The following PLCD3 variants were observed in gnomAD, a reference collection of about 807,000 sequenced individuals.
The protein encoded by PLCD3 is phospholipase C delta 3.
Under a neutral mutation model 82.8 loss-of-function variants are expected in PLCD3, and 62 were observed. That is an observed-to-expected ratio of 0.75 (90% CI 0.61 to 0.93). PLCD3 has a LOEUF of 0.93. Among genes scored for constraint, PLCD3 ranks in the 40% least tolerant of loss-of-function variants. PLCD3 has a pLI of 0.00. For synonymous variants in PLCD3, 478 were observed against 471.8 expected, an observed-to-expected ratio of 1.01 and a Z score of -0.17; for missense variants, 1,023 against 1,103.4, an observed-to-expected ratio of 0.93 and a Z score of 1.03.
Position 45,111,373 on chromosome 17 carries a change from A to AGTGTGT in PLCD3, c.*1237_*1242dup, listed in dbSNP as rs34687475. On this transcript the variant is annotated 3_prime_UTR_variant, in exon 15 of 15. Coordinates refer to ENST00000619929, the MANE Select transcript of PLCD3 (RefSeq NM_133373.5). Reference sequence around the variant, plus strand: ...TTCAAGGCCCCTCTGTGTATGTGTGAGTGTGTGTGTGTGTGTGTGTGTGTG... The same window carrying AGTGTGT: ...TTCAAGGCCCCTCTGTGTATGTGTGAGTGTGTGTGTGTGTGTGTGTGTGTGTGTGTG... The AGTGTGT allele has an allele frequency of 0.081, 11,983 of 147,078 alleles. 479 individuals are homozygous for AGTGTGT. Among genetic ancestry groups the AGTGTGT allele is most frequent in the Middle Eastern group, 0.15 (43 of 288 alleles). 9.1% of individuals were successfully genotyped at this position (147,078 alleles called of 1,614,324 possible).
rs372763078 is a variant in PLCD3 at position 45,116,617 on chromosome 17, G to A, written c.1413+15C>T. 3.8e-6 allele frequency: 6 copies of A among 1,562,396 alleles called. No individual in the cohort carries two copies. The highest frequency in any genetic ancestry group is 2.7e-5 in the African/African-American group (2 of 73,076). On this transcript the variant is annotated intron_variant, in intron 8 of 14. Transcript: ENST00000619929. ...AGACCTCCCTCCACCCAGGCTAGGG[G>A]CTGGGGGGCGTCACCTCTGGGGATG...
At chr17:45,123,956 A>ACC (rs33990992) in intron 1 of PLCD3, among the ~76,000 whole-genome samples, 8,866 of 128,940 alleles carry the variant, frequency 0.069, 291 homozygotes, top group Middle Eastern at 0.11. Context: ...GGCTCACCAG[A>ACC]CCCCCCCCCC....
At chr17:45,115,314 C>T (rs713102) in intron 9 of PLCD3, 30 bp downstream of exon 9, 3 of 1,501,550 alleles carry the variant, frequency 2.0e-6, no homozygotes, top group African/African-American at 2.8e-5. Flanking sequence ...CCTTCCCCCC[C>T]TTCCCCACCC....
At chr17:45,131,526 C>T (rs1033824499) in intron 1 of PLCD3, among the ~76,000 whole-genome samples, 2 of 152,228 alleles carry the variant, frequency 1.3e-5, no homozygotes, top group Admixed American at 6.5e-5. Flanking sequence ...GCTGTGTGGT[C>T]ATAGGCAAAT....
Position 45,132,123 on chromosome 17 carries a change from C to G in PLCD3, c.163+125G>C, listed in dbSNP as rs540382037. 9.4e-7 allele frequency: 1 copy of G among 1,066,754 alleles called. No individual in the cohort carries two copies. The allele number at this position is 1,066,754 out of a possible 1,614,324, so 66.1% of individuals were successfully genotyped here. ...CCAGCTGGAGGGAGCTGGCCCTCCG[C>G]CCCTAGCCATAGCCTCCCAGCCCCG... On this transcript the variant is annotated intron_variant, in intron 1 of 14. Coordinates refer to ENST00000619929, the MANE Select transcript of PLCD3 (RefSeq NM_133373.5). The surrounding 1 kb of genome is among the most constrained non-coding windows in gnomAD (Gnocchi z 4.6).
rs2143544706 is a variant in PLCD3, at chr17:45,112,933, T to C, written c.2211A>G (p.Glu737=). The C allele has an allele frequency of 6.2e-7, 1 of 1,613,048 alleles. No individual in the cohort carries two copies. The highest frequency in any genetic ancestry group is 2.2e-5 in the East Asian group (1 of 44,866). Residue 737 remains glutamate (E), a synonymous_variant, in exon 14 of 15, where the codon GAA becomes GAG. Coordinates refer to ENST00000619929, the MANE Select transcript of PLCD3 (RefSeq NM_133373.5). ...PELALVRFVV[E]DYDATSPNDF... Reference sequence around the variant, plus strand: ...CATTGGGGGAGGTGGCGTCATAATCTTCCACCACAAACCGGACCAGTGCCA... The same window carrying C: ...CATTGGGGGAGGTGGCGTCATAATCCTCCACCACAAACCGGACCAGTGCCA...
At chr17:45,117,614 A>C (rs1209121107) in intron 7 of PLCD3, among the ~76,000 whole-genome samples, 2 of 152,154 alleles carry the variant, frequency 1.3e-5, no homozygotes, top group African/African-American at 4.8e-5. Flanking sequence ...TCATTTGCTG[A>C]TGGGAAGATT....
chr17:45,127,902 GT>G (rs1328814889), intron 1 of PLCD3, among the ~76,000 whole-genome samples: 1 of 152,122 alleles, frequency 6.6e-6, no homozygotes, highest in African/African-American at 2.4e-5. Context: ...CACTCGGGAG[GT>G]GCACACAGGG....
At chr17:45,119,081 C>A in intron 4 of PLCD3, 38 bp from the exon 5 acceptor site, 1 of 1,523,990 alleles carries the variant, frequency 6.6e-7, no homozygotes, top group Non-Finnish European at 8.9e-7. Flanking sequence ...GAGGCAGACA[C>A]TCCAGGAAAC....
chr17:45,114,341 G>A lies in PLCD3; in HGVS notation c.1737C>T (p.Ala579=), dbSNP rs1268670064. Residue 579 remains alanine, a synonymous_variant, in exon 11 of 15, where the codon GCC becomes GCT. Coordinates refer to ENST00000619929, the MANE Select transcript of PLCD3 (RefSeq NM_133373.5). ...EAGNSFVRHN[A]RQLTRVYPLG... ...GCGGGTACACGCGGGTCAGCTGGCG[G>A]GCATTGTGCCTGACAAAGCTGTTCC... The A allele has an allele frequency of 2.6e-6, 4 of 1,548,998 alleles. No homozygotes were observed. The African/African-American group carries it at 5.5e-5, about 21-fold the overall frequency.
Position 45,121,286 on chromosome 17 carries a change from G to A in PLCD3, c.250C>T (p.Leu84=). Reference sequence around the variant, plus strand: ...AGGCCGTCCTCCTGCAGCCGGTACAGCCGCTCCTTGTGCCACGTGCGCGAG... The same window carrying A: ...AGGCCGTCCTCCTGCAGCCGGTACAACCGCTCCTTGTGCCACGTGCGCGAG... ...IRSRTWHKER[L]YRLQEDGLSV... The change falls in exon 2 of 15, where the codon CTG becomes TTG. Residue 84 remains leucine, a synonymous_variant. Coordinates refer to ENST00000619929, the MANE Select transcript of PLCD3 (RefSeq NM_133373.5). 6.3e-7 allele frequency: 1 copy of A among 1,585,822 alleles called. No individual in the cohort carries two copies. Among genetic ancestry groups the A allele is most frequent in the Non-Finnish European group, 8.5e-7 (1 of 1,174,410 alleles).
Position 45,114,335 on chromosome 17 carries a change from C to A in PLCD3, c.1743G>T (p.Gln581His). The A allele has an allele frequency of 1.3e-6, 2 of 1,549,428 alleles. No homozygotes were observed. The highest frequency in any genetic ancestry group is 1.7e-6 in the Non-Finnish European group (2 of 1,146,156). ...GNSFVRHNAR[Q>H]LTRVYPLGLR... is the part of the protein sequence containing the mutation. Reference sequence around the variant, plus strand: ...GCCCCAGCGGGTACACGCGGGTCAGCTGGCGGGCATTGTGCCTGACAAAGC... The same window carrying A: ...GCCCCAGCGGGTACACGCGGGTCAGATGGCGGGCATTGTGCCTGACAAAGC... Residue 581 changes from glutamine (Q) to histidine (H), a missense_variant, in exon 11 of 15, where the codon CAG (glutamine) becomes CAT (histidine). By Grantham distance (24) the Gln-to-His change is conservative. Coordinates refer to ENST00000619929, the MANE Select transcript of PLCD3 (RefSeq NM_133373.5).
chr17:45,121,511 T>C, intron 1 of PLCD3, 139 bp from the exon 2 acceptor site: 1 of 1,060,870 alleles, frequency 9.4e-7, no homozygotes, highest in Non-Finnish European at 1.3e-6. Flanking sequence ...TCCCTCCCCC[T>C]CACAGGACTC....
rs2143540806 is a variant in PLCD3, at chr17:45,111,544, T to C, written c.*1072A>G. 1 of 152,390 alleles carries C rather than the reference T, an allele frequency of 6.6e-6. No individual in the cohort carries two copies. The highest frequency in any genetic ancestry group is 2.4e-5 in the African/African-American group (1 of 41,568). 9.4% of individuals were successfully genotyped at this position (152,390 alleles called of 1,614,324 possible). A position where few individuals can be genotyped will look rare whatever the true frequency, so the allele number is the denominator to read the frequency against. ...CCACCCCCTGGCTGTCTTAGCCAAGTCCATGCCCTGTTGAGGGGAGAGGCC... is the reference window on the plus strand; with the variant it reads ...CCACCCCCTGGCTGTCTTAGCCAAGCCCATGCCCTGTTGAGGGGAGAGGCC... On this transcript the variant is annotated 3_prime_UTR_variant, in exon 15 of 15. Transcript: ENST00000619929.
At chr17:45,123,996 C>T (rs557018046) in intron 1 of PLCD3, among the ~76,000 whole-genome samples, 25 of 139,728 alleles carry the variant, frequency 1.8e-4, no homozygotes, top group African/African-American at 6.2e-4. Flanking sequence ...CTAAATGGTC[C>T]CATCCTGAGC....
chr17:45,122,276 G>T (rs1442089398), intron 1 of PLCD3, among the ~76,000 whole-genome samples: 1 of 152,218 alleles, frequency 6.6e-6, no homozygotes, highest in Non-Finnish European at 1.5e-5. Context: ...GGGAGGCGGA[G>T]GTTGCAGTGA....
chr17:45,118,734 G>A lies in PLCD3; in HGVS notation c.913+81C>T, dbSNP rs759092675. 221 of 1,413,800 alleles carry A rather than the reference G, an allele frequency of 1.6e-4. No individual in the cohort carries two copies. The highest frequency in any genetic ancestry group is 2.0e-4 in the Non-Finnish European group (209 of 1,051,818). 87.6% of individuals were successfully genotyped at this position (1,413,800 alleles called of 1,614,324 possible). A position where few individuals can be genotyped will look rare whatever the true frequency, so the allele number is the denominator to read the frequency against. On this transcript the variant is annotated intron_variant, in intron 5 of 14. Coordinates refer to ENST00000619929, the MANE Select transcript of PLCD3 (RefSeq NM_133373.5). This position sits in a 1 kb window ranked among gnomAD's most constrained non-coding sequence, Gnocchi z 4.1. ...AGGTAACCTGCCCGAGATGATGCCC[G>A]CGCCAGCCCGCAGCAGAACCCGCTT... is the stretch of plus-strand genomic sequence containing the variant.
Position 45,118,498 on chromosome 17 carries a change from G to A in PLCD3, c.914-6C>T, listed in dbSNP as rs375670564. ...CATCAGCTCATGCTGCTTGGCTGCA[G>A]GGGTGGCAGGAGAGGGCATCAGGCC... On this transcript the variant is annotated splice_region_variant and splice_polypyrimidine_tract_variant and intron_variant, in intron 5 of 14. Coordinates refer to ENST00000619929, the MANE Select transcript of PLCD3 (RefSeq NM_133373.5). This position sits in a 1 kb window ranked among gnomAD's most constrained non-coding sequence, Gnocchi z 4.1. The A allele has an allele frequency of 1.2e-6, 2 of 1,613,788 alleles. No homozygotes were observed. Among genetic ancestry groups the A allele is most frequent in the South Asian group, 1.1e-5 (1 of 91,074 alleles).
In PLCD3 at chr17:45,113,607, T is replaced by G. The variant is rs1447489306; in HGVS notation, c.1829-2A>C. The stretch of plus-strand genomic sequence containing the variant: ...CTGGCGTCTGGAAGTTCAAGGCCAC[T>G]GTGGACACAGCAGGGTCAGAGCAGG... On this transcript the variant is annotated splice_acceptor_variant, in intron 11 of 14. Transcript: ENST00000619929. LOFTEE classifies it high-confidence loss of function. 6.4e-7 allele frequency: 1 copy of G among 1,554,282 alleles called. No homozygotes were observed. The highest frequency in any genetic ancestry group is 2.0e-5 in the Admixed American group (1 of 51,228).
Sources: gnomAD v4.1 joint callset for allele counts (sites outside exome capture counted in the v4.1 genomes callset) on GRCh38, gnomAD v4.1.1 for gene constraint, Gnocchi (gnomAD v3.1) non-coding constraint, MANE v1.5 for transcripts, NCBI Gene and HGNC (gene_info 2026-07-23, HGNC 2026-07-21) for gene names.